TUBE1: variants seen among roughly 807,000 people sequenced by gnomAD.
TUBE1 encodes the protein tubulin epsilon 1, also known as tubulin epsilon chain.
A neutral mutation model predicts 53.5 loss-of-function variants in TUBE1; 34 were observed. The ratio of observed to expected loss-of-function variants is 0.64; its 90% CI spans 0.48 to 0.85. The LOEUF is 0.85. TUBE1 is among the 40% of genes least tolerant of loss of function. The probability of loss-of-function intolerance (pLI) is 0.00; values close to 1 mark genes in which losing one functional copy is unlikely to be tolerated. For synonymous variants in TUBE1, 177 were observed against 198.4 expected (o/e 0.89, Z 0.91); for missense variants, 532 against 570.5 (o/e 0.93, Z 0.69).
chr6:112,076,251 T>C, intron 7 of TUBE1, 71 bp downstream of exon 7: 3 of 1,471,338 alleles, frequency 2.0e-6, no homozygotes, highest in East Asian at 2.3e-5. Flanking sequence ...ACGTTTCATA[T>C]AAACACACAT....
At chr6:112,073,411 C>A (rs147993447) in intron 9 of TUBE1, among the ~76,000 whole-genome samples, 2 of 152,174 alleles carry the variant, frequency 1.3e-5, no homozygotes, top group African/African-American at 4.8e-5. Flanking sequence ...AGTAGTTCTC[C>A]TAAAAGTAGA....
chr6:112,082,583 C>A (rs911522591), intron 4 of TUBE1, among the ~76,000 whole-genome samples: 1 of 152,180 alleles, frequency 6.6e-6, no homozygotes, highest in Non-Finnish European at 1.5e-5. Flanking sequence ...TCATCACTGT[C>A]CTAGTCACTT....
At chr6:112,083,610 G>A (rs1422274166) in intron 4 of TUBE1, among the ~76,000 whole-genome samples, 6 of 152,116 alleles carry the variant, frequency 3.9e-5, no homozygotes, top group African/African-American at 1.2e-4. Flanking sequence ...GAGCCACCGC[G>A]CCCAGCACCT....
intron 3 of TUBE1, chr6:112,085,435 C>G: frequency 4.1e-6 from 1 of 246,842 alleles, no homozygotes; most frequent in Non-Finnish European, 8.2e-6. Context: ...AGCTCCCAGG[C>G]TGAGTCTCAA....
chr6:112,080,758 C>A (rs910514864), intron 5 of TUBE1, among the ~76,000 whole-genome samples: 13 of 151,998 alleles, frequency 8.6e-5, no homozygotes, highest in Non-Finnish European at 1.8e-4. Flanking sequence ...TTACATCTGA[C>A]CAATTGGACA....
In TUBE1 at chr6:112,087,268, C is replaced by T. The variant is rs1554317502; in HGVS notation, c.64G>A (p.Asp22Asn). 2.4e-5 allele frequency: 37 copies of T among 1,551,866 alleles called. No individual in the cohort carries two copies. Among genetic ancestry groups the T allele is most frequent in the Non-Finnish European group, 3.1e-5 (35 of 1,147,228 alleles). Reference protein sequence around the residue: ...CGNQIGCCFWDLALREHAAVN... With the variant: ...CGNQIGCCFWNLALREHAAVN... Reference sequence around the variant, plus strand: ...GCGGCGTGCTCCCTTAGTGCCAGGTCCCAGAAGCAGCAGCCGATCTGGTTT... The same window carrying T: ...GCGGCGTGCTCCCTTAGTGCCAGGTTCCAGAAGCAGCAGCCGATCTGGTTT... Residue 22 changes from aspartate to asparagine, a missense_variant, in exon 2 of 12, where the codon GAC (aspartate) becomes AAC (asparagine). By Grantham distance (23) the Asp-to-Asn change is conservative. Transcript: ENST00000368662.
In TUBE1 at chr6:112,072,013, G is replaced by A. The variant is rs267600764; in HGVS notation, c.1158C>T (p.Ser386=). 6 of 1,612,744 alleles carry A rather than the reference G, an allele frequency of 3.7e-6. No homozygotes were observed. The highest frequency in any genetic ancestry group is 4.2e-6 in the Non-Finnish European group (5 of 1,179,394). ...NQEGWKTSLC[S]VPPVGHSHSL... is the part of the protein sequence containing the mutation. ...AATGAGAATGGCCCACAGGAGGTAC[G>A]GAACACAGGCTGGTCTTCCAGCCTT... Residue 386 remains serine, a synonymous_variant, in exon 11 of 12, where the codon TCC becomes TCT. Coordinates refer to ENST00000368662, the MANE Select transcript of TUBE1 (RefSeq NM_016262.5).
chr6:112,072,003 C>T lies in TUBE1; in HGVS notation c.1168G>A (p.Val390Met), dbSNP rs367934898. The T allele has an allele frequency of 2.1e-5, 34 of 1,612,718 alleles. No homozygotes were observed. The South Asian group carries it at 3.5e-4, about 17-fold the overall frequency. ...GCTAATAACGAATGAGAATGGCCCA[C>T]AGGAGGTACGGAACACAGGCTGGTC... ...WKTSLCSVPPVGHSHSLLALA... is the reference protein window; with the variant it reads ...WKTSLCSVPPMGHSHSLLALA... Residue 390 changes from valine to methionine, a missense_variant, in exon 11 of 12, where the codon GTG (valine) becomes ATG (methionine). By Grantham distance (21) the Val-to-Met change is conservative. Transcript: ENST00000368662.
Position 112,071,295 on chromosome 6 carries a change from C to G in TUBE1, c.*117G>C. On this transcript the variant is annotated 3_prime_UTR_variant, in exon 12 of 12. Coordinates refer to ENST00000368662, the MANE Select transcript of TUBE1 (RefSeq NM_016262.5). ...ATTAAACAGAAATCACTCTTTTAGA[C>G]AAAAATATTTCCCGATAATATGAAA... 1 of 1,055,626 alleles carries G rather than the reference C, an allele frequency of 9.5e-7. No homozygotes were observed. The highest frequency in any genetic ancestry group is 3.4e-4 in the Middle Eastern group (1 of 2,906). The allele number at this position is 1,055,626 out of a possible 1,614,324, so 65.4% of individuals were successfully genotyped here. A position where few individuals can be genotyped will look rare whatever the true frequency, so the allele number is the denominator to read the frequency against.
At chr6:112,077,554 G>A (rs893447598) in intron 6 of TUBE1, 5 of 151,992 alleles carry the variant, frequency 3.3e-5, no homozygotes, top group African/African-American at 4.8e-5. Context: ...TTTTTCATGT[G>A]TGTATGCTGC....
intron 8 of TUBE1, chr6:112,075,064 CTTTCTTTTTTTTTTT>C (rs1461683254): frequency 3.6e-5 from 6 of 165,322 alleles, no homozygotes; most frequent in African/African-American, 3.3e-5. Flanking sequence ...TTTTTTTTTT[CTTTCTTTTTTTTTTT>C]TTTTTGAGAC....
chr6:112,086,597 A>G lies in TUBE1; in HGVS notation c.111T>C (p.Tyr37=). ...TAAAGAAGCTGCTTATTGCCTCATC[A>G]TAAATTCCTTTCTAAAAAGAAAAAC... is the stretch of plus-strand genomic sequence containing the variant. The part of the protein sequence containing the change: ...EHAAVNQKGI[Y]DEAISSFFRN... The change falls in exon 3 of 12, where the codon TAT becomes TAC. Residue 37 remains tyrosine (Y), a synonymous_variant. Transcript: ENST00000368662. The G allele has an allele frequency of 6.2e-7, 1 of 1,611,960 alleles. No individual in the cohort carries two copies. Among genetic ancestry groups the G allele is most frequent in the Non-Finnish European group, 8.5e-7 (1 of 1,178,478 alleles).
At chr6:112,073,130 C>A (rs1474003989) in intron 9 of TUBE1, among the ~76,000 whole-genome samples, 1 of 151,288 alleles carries the variant, frequency 6.6e-6, no homozygotes, top group Non-Finnish European at 1.5e-5. Flanking sequence ...GGGGAAAAGG[C>A]TTCTGCAGTA....
Position 112,087,407 on chromosome 6 carries a change from T to C in TUBE1, c.25+3A>G, listed in dbSNP as rs6568714. On this transcript the variant is annotated splice_donor_region_variant and intron_variant, in intron 1 of 11. Transcript: ENST00000368662. The stretch of plus-strand genomic sequence containing the variant: ...AGGTCTCTACCCGCCCGGCGTAGCT[T>C]ACCCTGTACGACCACCGACTGGGTC... 0.28 allele frequency: 427,384 copies of C among 1,550,150 alleles called. 61,445 individuals are homozygous for C. Among genetic ancestry groups the C allele is most frequent in the African/African-American group, 0.47 (33,995 of 72,888 alleles).
intron 4 of TUBE1, among the ~76,000 whole-genome samples, chr6:112,082,409 CA>C (rs1215673787): frequency 1.3e-5 from 2 of 152,094 alleles, no homozygotes; most frequent in African/African-American, 4.8e-5. Context: ...AAAGAAAAAG[CA>C]AATTGGATTA....
intron 2 of TUBE1, 26 bp downstream of exon 2, chr6:112,087,207 G>C (rs772277496): frequency 3.8e-5 from 59 of 1,548,084 alleles, no homozygotes; most frequent in Middle Eastern, 1.7e-4. Flanking sequence ...TGACAGGCGA[G>C]GGGGCTCGCG....
Position 112,070,710 on chromosome 6 carries a change from A to G in TUBE1, c.*702T>C, listed in dbSNP as rs937900458. 1.3e-5 allele frequency: 2 copies of G among 151,922 alleles called. No individual in the cohort carries two copies. Among genetic ancestry groups the G allele is most frequent in the East Asian group, 1.9e-4 (1 of 5,204 alleles). The allele number at this position is 151,922 out of a possible 1,614,324, so 9.4% of individuals were successfully genotyped here. ...AGCCATTTATTGCAAAGTTTGGAAG[A>G]TATCAAGCTTAGTAACATTCTGTTC... On this transcript the variant is annotated 3_prime_UTR_variant, in exon 12 of 12. Transcript: ENST00000368662.
intron 2 of TUBE1, 82 bp downstream of exon 2, chr6:112,087,151 A>G (rs1777175446): frequency 7.9e-7 from 1 of 1,262,834 alleles, no homozygotes; most frequent in Non-Finnish European, 1.1e-6. Context: ...GGGTCAGATG[A>G]AAGCTCAAGT....
Position 112,071,436 on chromosome 6 carries a change from T to A in TUBE1, c.1404A>T (p.Leu468Phe), listed in dbSNP as rs782729863. 2.6e-5 allele frequency: 42 copies of A among 1,601,640 alleles called. No individual in the cohort carries two copies. In the South Asian group the frequency reaches 4.7e-4, roughly 18 times the overall value. Residue 468 changes from leucine to phenylalanine, a missense_variant, in exon 12 of 12, where the codon TTA (leucine) becomes TTT (phenylalanine). By Grantham distance (22) the Leu-to-Phe change is conservative (BLOSUM62 0). Transcript: ENST00000368662. ...TTCACATAGCTATGCTTAGTCTGGG[T>A]AAATCCTGCACAGGCATGTTTTTTG... is the stretch of plus-strand genomic sequence containing the variant. Reference protein sequence around the residue: ...DATKNMPVQDLPRLSIAM With the variant: ...DATKNMPVQDFPRLSIAM
Sources: allele counts gnomAD v4.1 joint callset (sites outside exome capture counted in the v4.1 genomes callset), GRCh38; gene constraint gnomAD v4.1.1; transcripts MANE v1.5; gene names NCBI Gene and HGNC (gene_info 2026-07-23, HGNC 2026-07-21).